Variants in EIF4H observed in about 807,000 individuals in gnomAD.
EIF4H encodes Williams-Beuren syndrome chromosome region 1.
Under a neutral mutation model 30.6 loss-of-function variants are expected in EIF4H, and 8 were observed. The observed-to-expected ratio is 0.26, with a 90% confidence interval of 0.15 to 0.47. EIF4H has a LOEUF of 0.47. Ranked by LOEUF, EIF4H falls within the 20% of genes least tolerant of loss-of-function variation. The pLI is 0.99. For synonymous variants in EIF4H, 106 were observed against 122.7 expected, an observed-to-expected ratio of 0.86 and a Z score of 0.90; for missense variants, 188 against 339.5, an observed-to-expected ratio of 0.55 and a Z score of 3.51.
chr7:74,179,273 A>G (rs1413688050), intron 1 of EIF4H, among the ~76,000 whole-genome samples: 4 of 152,242 alleles, frequency 2.6e-5, no homozygotes, highest in African/African-American at 7.2e-5. Context: ...AGTAGTTTCT[A>G]TGAAGGTTAG....
At chr7:74,176,599 A>G (rs1406826672) in intron 1 of EIF4H, among the ~76,000 whole-genome samples, 11 of 152,234 alleles carry the variant, frequency 7.2e-5, no homozygotes, top group African/African-American at 2.7e-4. Flanking sequence ...CACAGGTGAA[A>G]GAAATGGTAG....
At chr7:74,181,733 C>A (rs1237874519) in intron 1 of EIF4H, among the ~76,000 whole-genome samples, 1 of 144,200 alleles carries the variant, frequency 6.9e-6, no homozygotes, top group Non-Finnish European at 1.5e-5. Flanking sequence ...TGTGAGCCAC[C>A]GAGCCCGGCC....
intron 1 of EIF4H, among the ~76,000 whole-genome samples, chr7:74,187,143 G>A (rs545484456): frequency 2.0e-4 from 31 of 152,066 alleles, no homozygotes; most frequent in Non-Finnish European, 3.5e-4. Context: ...GGTGTGTTAC[G>A]TTTGGGCTGG....
chr7:74,187,910 T>G lies in EIF4H; in HGVS notation c.247+112T>G, dbSNP rs1195895430. 3 of 1,292,244 alleles carry G rather than the reference T, an allele frequency of 2.3e-6. No individual in the cohort carries two copies. In the East Asian group the frequency reaches 7.4e-5, roughly 32 times the overall value. The allele number at this position is 1,292,244 out of a possible 1,614,324, so 80.0% of individuals were successfully genotyped here. A position where few individuals can be genotyped will look rare whatever the true frequency, so the allele number is the denominator to read the frequency against. Reference sequence around the variant, plus strand: ...CAGAGGCTGTAATCAAGAAAGTGTTTTAAACATTTGCCTGGTCTAAGTGGC... The same window carrying G: ...CAGAGGCTGTAATCAAGAAAGTGTTGTAAACATTTGCCTGGTCTAAGTGGC... On this transcript the variant is annotated intron_variant, in intron 2 of 6. Transcript: ENST00000265753.
chr7:74,186,785 G>GAA (rs779098969), intron 1 of EIF4H, among the ~76,000 whole-genome samples: 2 of 33,344 alleles, frequency 6.0e-5, no homozygotes, highest in Admixed American at 3.8e-4. Flanking sequence ...GCAACAAGGA[G>GAA]AAATTTTTTT....
chr7:74,182,510 C>G (rs1490109488), intron 1 of EIF4H, among the ~76,000 whole-genome samples: 1 of 152,204 alleles, frequency 6.6e-6, no homozygotes, highest in Non-Finnish European at 1.5e-5. Context: ...CTTTGGTTTA[C>G]ACTACTTTAC....
At chr7:74,187,302 T>C (rs1554709320) in intron 1 of EIF4H, among the ~76,000 whole-genome samples, 2 of 152,130 alleles carry the variant, frequency 1.3e-5, no homozygotes, top group East Asian at 3.9e-4. Context: ...TGGTGGCACA[T>C]GCCTGTAATC....
intron 1 of EIF4H, among the ~76,000 whole-genome samples, chr7:74,178,825 G>T (rs1229728733): frequency 6.6e-6 from 1 of 152,152 alleles, no homozygotes; most frequent in Non-Finnish European, 1.5e-5. Context: ...GACTTCTTTT[G>T]TGTAAGTCGA....
intron 2 of EIF4H, among the ~76,000 whole-genome samples, chr7:74,188,695 G>A (rs944548894): frequency 1.7e-4 from 26 of 152,214 alleles, no homozygotes; most frequent in African/African-American, 6.3e-4. Context: ...GTGTGTGGGT[G>A]AGCCTAGCCT....
chr7:74,184,944 G>C (rs1554708987), intron 1 of EIF4H, among the ~76,000 whole-genome samples: 2 of 151,994 alleles, frequency 1.3e-5, no homozygotes, highest in Non-Finnish European at 2.9e-5. Context: ...ACCTCCCGAA[G>C]TGCTGGGATT....
intron 1 of EIF4H, among the ~76,000 whole-genome samples, chr7:74,183,479 A>G (rs1480069218): frequency 6.6e-6 from 1 of 152,226 alleles, no homozygotes; most frequent in Non-Finnish European, 1.5e-5. Context: ...AGATTGAAAT[A>G]TAACAGACAA....
At chr7:74,184,717 G>GT (rs1405039858) in intron 1 of EIF4H, among the ~76,000 whole-genome samples, 2 of 151,476 alleles carry the variant, frequency 1.3e-5, no homozygotes, top group African/African-American at 2.4e-5. Flanking sequence ...TTTTGTTTTT[G>GT]TTTTTTTGAG....
chr7:74,195,092 A>C (rs1191446490), intron 6 of EIF4H, 77 bp from the exon 7 acceptor site: 3 of 1,571,648 alleles, frequency 1.9e-6, no homozygotes, highest in Non-Finnish European at 2.6e-6. Context: ...GTTTGCTGAC[A>C]GCAACATCAG....
intron 1 of EIF4H, among the ~76,000 whole-genome samples, chr7:74,175,406 A>G (rs1359513851): frequency 6.6e-6 from 1 of 152,202 alleles, no homozygotes; most frequent in Non-Finnish European, 1.5e-5. Flanking sequence ...ATAACACCAC[A>G]ATAATACACA....
At position 74,190,003 on chromosome 7, in the gene EIF4H, C is replaced by T. The variant is rs1443382043; in HGVS notation, c.409+85C>T. On this transcript the variant is annotated intron_variant, in intron 4 of 6. Coordinates refer to ENST00000265753, the MANE Select transcript of EIF4H (RefSeq NM_022170.2). ...ACTCGTGAACGTTCCTAGTAGAACT[C>T]GATTATCTCATAGGTGTGATAGGTT... The T allele has an allele frequency of 6.8e-6, 10 of 1,461,520 alleles. No individual in the cohort carries two copies. The African/African-American group carries it at 9.8e-5, about 14-fold the overall frequency. The allele number at this position is 1,461,520 out of a possible 1,614,324, so 90.5% of individuals were successfully genotyped here. A position where few individuals can be genotyped will look rare whatever the true frequency, so the allele number is the denominator to read the frequency against.
intron 1 of EIF4H, among the ~76,000 whole-genome samples, chr7:74,186,022 C>T (rs782067167): frequency 5.3e-5 from 8 of 151,872 alleles, no homozygotes; most frequent in Non-Finnish European, 1.2e-4. Flanking sequence ...AGTTGGATGA[C>T]GCTAGTGGAT....
intron 1 of EIF4H, among the ~76,000 whole-genome samples, chr7:74,179,875 G>A (rs1005234282): frequency 2.6e-5 from 4 of 152,258 alleles, no homozygotes; most frequent in East Asian, 3.9e-4. Context: ...CAGGTTTTCC[G>A]AAACTCTTTT....
At chr7:74,179,603 G>A (rs1041040768) in intron 1 of EIF4H, among the ~76,000 whole-genome samples, 4 of 146,106 alleles carry the variant, frequency 2.7e-5, no homozygotes, top group Admixed American at 2.1e-4. Context: ...CTGCACTCCC[G>A]CCTGGGCGAC....
At chr7:74,184,015 A>T (rs1801025941) in intron 1 of EIF4H, 1 of 152,264 alleles carries the variant, frequency 6.6e-6, no homozygotes, top group Non-Finnish European at 1.5e-5. Flanking sequence ...AGTCTAGAGT[A>T]TTAAGCCACT....
Sources: gnomAD v4.1 joint callset for allele counts (sites outside exome capture counted in the v4.1 genomes callset) on GRCh38, gnomAD v4.1.1 for gene constraint, MANE v1.5 for transcripts, NCBI Gene and HGNC (gene_info 2026-07-23, HGNC 2026-07-21) for gene names.